The following CTNNA3 variants were observed in gnomAD, a reference collection of about 807,000 sequenced individuals.
CTNNA3 encodes catenin alpha 3.
In CTNNA3, 76 loss-of-function variants were observed where a neutral mutation model predicts 95.7. The observed-to-expected ratio is 0.79, with a 90% CI of 0.66 to 0.96. The LOEUF is 0.96. Among genes scored for constraint, CTNNA3 ranks in the 40% least tolerant of loss-of-function variants. The pLI is 0.00. For synonymous variants in CTNNA3, 431 were observed against 374.4 expected, an observed-to-expected ratio of 1.15 and a Z score of -1.74; for missense variants, 1,191 against 1,089.8, an observed-to-expected ratio of 1.09 and a Z score of -1.31.
Position 67,022,998 on chromosome 10 carries a change from G to T in CTNNA3, c.1047+157319C>A, listed in dbSNP as rs918579138. ...AAATTTTCTGAGTGAAATTTAAAAA[G>T]ACTGAAATAAATGGAGAGGTATAAT... On this transcript the variant is annotated intron_variant, in intron 7 of 17. Transcript: ENST00000433211. 2.0e-5 allele frequency among the ~76,000 whole-genome samples: 3 copies of T among 151,962 alleles called. No homozygotes were observed. In the East Asian group the frequency reaches 5.8e-4, roughly 29 times the overall value.
chr10:65,971,994 G>T (rs1262212695), intron 16 of CTNNA3, among the ~76,000 whole-genome samples: 1 of 152,038 alleles, frequency 6.6e-6, no homozygotes, highest in African/African-American at 2.4e-5. Context: ...GGAATGTAAG[G>T]TTGGTTTAAT....
chr10:66,193,137 G>A (rs2086770885), intron 13 of CTNNA3, among the ~76,000 whole-genome samples: 1 of 152,126 alleles, frequency 6.6e-6, no homozygotes, highest in South Asian at 2.1e-4. Context: ...GAGGGACTGA[G>A]AATAAACTAT....
chr10:67,306,815 T>C (rs1840571815), intron 5 of CTNNA3, among the ~76,000 whole-genome samples: 1 of 152,154 alleles, frequency 6.6e-6, no homozygotes, highest in Non-Finnish European at 1.5e-5. Flanking sequence ...TTAAGGATTT[T>C]ACCTGACTTC....
chr10:67,312,240 T>C (rs1205517958), intron 5 of CTNNA3, among the ~76,000 whole-genome samples: 1 of 152,082 alleles, frequency 6.6e-6, no homozygotes, highest in Admixed American at 6.5e-5. Context: ...GCCCAGCTAA[T>C]TTTTGACTTT....
At chr10:66,810,786 T>C (rs1253335600) in intron 7 of CTNNA3, among the ~76,000 whole-genome samples, 2 of 152,172 alleles carry the variant, frequency 1.3e-5, no homozygotes, top group African/African-American at 4.8e-5. Context: ...CTCCATCCCA[T>C]AGCTAATCAG....
intron 13 of CTNNA3, among the ~76,000 whole-genome samples, chr10:66,187,128 C>T (rs1010381902): frequency 2.0e-5 from 3 of 152,104 alleles, no homozygotes; most frequent in East Asian, 3.9e-4. Context: ...ATTTGACTTG[C>T]TTCTGGAAAA....
intron 15 of CTNNA3, among the ~76,000 whole-genome samples, chr10:66,044,156 G>A (rs10996849): frequency 0.25 from 38,097 of 151,836 alleles, 4,894 homozygotes; most frequent in South Asian, 0.32. Context: ...CACCATGCCC[G>A]GCTAATTGCA....
At chr10:67,590,044 C>T (rs1842746694) in intron 3 of CTNNA3, among the ~76,000 whole-genome samples, 1 of 152,144 alleles carries the variant, frequency 6.6e-6, no homozygotes, top group South Asian at 2.1e-4. Flanking sequence ...ATGCTGACTA[C>T]ACTGTATACA....
intron 3 of CTNNA3, among the ~76,000 whole-genome samples, chr10:67,591,533 G>T (rs1221247865): frequency 6.6e-6 from 1 of 151,978 alleles, no homozygotes; most frequent in African/African-American, 2.4e-5. Context: ...CTTGAACCAA[G>T]TAATATAATA....
intron 5 of CTNNA3, among the ~76,000 whole-genome samples, chr10:67,373,145 G>A (rs1259652659): frequency 2.0e-5 from 3 of 152,122 alleles, no homozygotes; most frequent in African/African-American, 7.2e-5. Flanking sequence ...AAATGTAAAT[G>A]GGCTAAATGC....
chr10:67,109,833 A>G (rs1025269074), intron 7 of CTNNA3, among the ~76,000 whole-genome samples: 1 of 152,124 alleles, frequency 6.6e-6, no homozygotes, highest in African/African-American at 2.4e-5. Context: ...ACAGAGAGAG[A>G]CTCAATCTCA....
chr10:67,156,769 G>C (rs1861327165), intron 7 of CTNNA3, among the ~76,000 whole-genome samples: 1 of 152,040 alleles, frequency 6.6e-6, no homozygotes, highest in Non-Finnish European at 1.5e-5. Flanking sequence ...TGTTGTTTTT[G>C]ATGGAATGTT....
intron 15 of CTNNA3, among the ~76,000 whole-genome samples, chr10:66,046,214 G>C (rs1217983631): frequency 2.0e-5 from 3 of 152,134 alleles, no homozygotes; most frequent in African/African-American, 7.2e-5. Context: ...AGCTGCCCCA[G>C]GAAACCATGC....
intron 13 of CTNNA3, among the ~76,000 whole-genome samples, chr10:66,249,369 C>G (rs1443986944): frequency 6.6e-6 from 1 of 152,024 alleles, no homozygotes; most frequent in Non-Finnish European, 1.5e-5. Flanking sequence ...TTGCAAACTA[C>G]CCCCCTGAGA....
At position 67,219,635 on chromosome 10, in the gene CTNNA3, G is replaced by A. The variant is rs1589879917; in HGVS notation, c.815C>T (p.Thr272Ile). The A allele has an allele frequency of 1.2e-6, 2 of 1,613,880 alleles. No homozygotes were observed. Among genetic ancestry groups the A allele is most frequent in the Non-Finnish European group, 1.7e-6 (2 of 1,179,890 alleles). The change falls in exon 6 of 18, where the codon ACC (threonine) becomes ATC (isoleucine). Residue 272 changes from threonine to isoleucine, a missense_variant. Coordinates refer to ENST00000433211, the MANE Select transcript of CTNNA3 (RefSeq NM_013266.4). ...MTTPPEPQAATLGSALDELEN... is the reference protein window; with the variant it reads ...MTTPPEPQAAILGSALDELEN... ...CAGCTCATCAAGGGCACTTCCCAGG[G>A]TTGCTGCCTGAGGTTCTGGTGGGGT...
intron 5 of CTNNA3, among the ~76,000 whole-genome samples, chr10:67,513,024 A>G (rs985354185): frequency 2.0e-5 from 3 of 152,202 alleles, no homozygotes; most frequent in Non-Finnish European, 4.4e-5. Context: ...ACATTTTTAA[A>G]AAGGCACTAC....
At chr10:66,678,174 C>T (rs2132492513) in intron 9 of CTNNA3, among the ~76,000 whole-genome samples, 1 of 152,230 alleles carries the variant, frequency 6.6e-6, no homozygotes, top group East Asian at 1.9e-4. Flanking sequence ...CCCTGAACAA[C>T]AAGGATAAAA....
chr10:66,204,328 G>C (rs775819857), intron 13 of CTNNA3, among the ~76,000 whole-genome samples: 3 of 151,982 alleles, frequency 2.0e-5, no homozygotes, highest in Non-Finnish European at 4.4e-5. Flanking sequence ...CTGTTCAAAA[G>C]AATAATGACC....
intron 5 of CTNNA3, among the ~76,000 whole-genome samples, chr10:67,267,262 C>T (rs1375049589): frequency 6.6e-6 from 1 of 152,166 alleles, no homozygotes; most frequent in Non-Finnish European, 1.5e-5. Context: ...ATAGCATAAT[C>T]ACTTCATACT....
Sources: allele counts gnomAD v4.1 joint callset (sites outside exome capture counted in the v4.1 genomes callset), GRCh38; gene constraint gnomAD v4.1.1; transcripts MANE v1.5; gene names NCBI Gene and HGNC (gene_info 2026-07-23, HGNC 2026-07-21).